KCNT2: variants seen among roughly 807,000 people sequenced by gnomAD.
The protein encoded by KCNT2 is potassium channel subfamily T member 2.
A neutral mutation model predicts 153.8 loss-of-function variants in KCNT2; 67 were observed. That is an observed-to-expected ratio of 0.44 (90% CI 0.36 to 0.53). The LOEUF (loss-of-function observed/expected upper bound fraction) is 0.53, where lower values mean the gene tolerates loss of function less well. Among genes scored for constraint, KCNT2 ranks in the 20% least tolerant of loss-of-function variants. KCNT2 has a pLI of 0.00. For missense variants in KCNT2, 975 were observed against 1,354.8 expected (o/e 0.72, Z 4.40); for synonymous variants, 500 against 458.8 (o/e 1.09, Z -1.15).
chr1:196,579,818 A>G (rs1323710349), intron 1 of KCNT2, among the ~76,000 whole-genome samples: 1 of 152,072 alleles, frequency 6.6e-6, no homozygotes, highest in Non-Finnish European at 1.5e-5. Flanking sequence ...AAAGACCTAC[A>G]CTAAAGTACA....
At chr1:196,604,105 A>C (rs545611687) in intron 1 of KCNT2, among the ~76,000 whole-genome samples, 18 of 152,362 alleles carry the variant, frequency 1.2e-4, no homozygotes, top group African/African-American at 3.1e-4. Flanking sequence ...GAATGCCTTG[A>C]GCTATCTCTA....
At chr1:196,562,958 A>G (rs1474989603) in intron 1 of KCNT2, among the ~76,000 whole-genome samples, 1 of 152,064 alleles carries the variant, frequency 6.6e-6, no homozygotes, top group African/African-American at 2.4e-5. Context: ...CCTTCTGTGT[A>G]GAAAATTAAC....
At chr1:196,339,530 G>C (rs928716266) in intron 16 of KCNT2, among the ~76,000 whole-genome samples, 7 of 151,328 alleles carry the variant, frequency 4.6e-5, no homozygotes, top group Non-Finnish European at 1.0e-4. Flanking sequence ...CAGAGAGAGA[G>C]AGAGAGAGAG....
At chr1:196,395,840 T>C (rs918385989) in intron 13 of KCNT2, among the ~76,000 whole-genome samples, 2 of 151,696 alleles carry the variant, frequency 1.3e-5, no homozygotes, top group Non-Finnish European at 3.0e-5. Context: ...GAAGGAGCTA[T>C]TTAAATAAAT....
chr1:196,271,995 A>T (rs1038077344), intron 25 of KCNT2, among the ~76,000 whole-genome samples: 17 of 151,970 alleles, frequency 1.1e-4, no homozygotes, highest in Middle Eastern at 3.4e-3. Context: ...ACACTGAACA[A>T]CTCACTCCAC....
In KCNT2 at chr1:196,340,555, C is replaced by T; in HGVS notation, c.1569G>A (p.Leu523=). 6.4e-7 allele frequency: 1 copy of T among 1,562,572 alleles called. No individual in the cohort carries two copies. Among genetic ancestry groups the T allele is most frequent in the South Asian group, 1.2e-5 (1 of 81,496 alleles). ...FHAHKKFGVC[L]IGVRREDNKN... ...TATTATCCTCCCTCCTAACACCAAT[C>T]AAGCAGACGCCAAACCTTAATTTAA... Residue 523 remains leucine (L), a synonymous_variant, in exon 16 of 28, where the codon TTG becomes TTA. Transcript: ENST00000294725.
At chr1:196,228,524 T>G (rs560307134) in intron 27 of KCNT2, among the ~76,000 whole-genome samples, 189 bp from the exon 28 acceptor site, 10 of 152,270 alleles carry the variant, frequency 6.6e-5, no homozygotes, top group African/African-American at 2.2e-4. Flanking sequence ...ATATTATCAT[T>G]TTCATACCTG....
In KCNT2 at chr1:196,448,557, TATA is replaced by T. The variant is rs564268974; in HGVS notation, c.638+16733_638+16735del. 2.0e-5 allele frequency among the ~76,000 whole-genome samples: 3 copies of T among 151,702 alleles called. No individual in the cohort carries two copies. In the East Asian group the frequency reaches 5.8e-4, roughly 30 times the overall value. On this transcript the variant is annotated intron_variant, in intron 8 of 27. Coordinates refer to ENST00000294725, the MANE Select transcript of KCNT2 (RefSeq NM_198503.5). ...TCTACTGTGTGGCCTGGAAGCTTTT[TATA>T]ATGTTTATACAATGTTTATACTTAA...
intron 14 of KCNT2, among the ~76,000 whole-genome samples, chr1:196,348,962 G>A (rs1465451965): frequency 6.6e-6 from 1 of 151,984 alleles, no homozygotes; most frequent in Non-Finnish European, 1.5e-5. Context: ...GGAAAGAAGA[G>A]AAAGAAAGAA....
At chr1:196,285,915 G>C (rs756203475) in intron 22 of KCNT2, among the ~76,000 whole-genome samples, 157 bp from the exon 23 acceptor site, 3 of 152,016 alleles carry the variant, frequency 2.0e-5, no homozygotes, top group Non-Finnish European at 4.4e-5. Context: ...TTTTTAAACT[G>C]CCCTTTCGTT....
At chr1:196,475,947 A>T (rs912588677) in intron 5 of KCNT2, among the ~76,000 whole-genome samples, 3 of 152,184 alleles carry the variant, frequency 2.0e-5, no homozygotes, top group Non-Finnish European at 4.4e-5. Context: ...ATTATATATC[A>T]TCTAGCTCTG....
Position 196,343,926 on chromosome 1 carries a change from C to T in KCNT2, c.1404-1698G>A, listed in dbSNP as rs757764979. ...TCCCGAGTAGCTGGGATTACAGGCA[C>T]CTGCCACCATGCCCAGCTAATTTTT... On this transcript the variant is annotated intron_variant, in intron 14 of 27. Transcript: ENST00000294725. 1.6e-4 allele frequency among the ~76,000 whole-genome samples: 25 copies of T among 152,038 alleles called. 1 individual carries two copies. The highest frequency in any genetic ancestry group is 2.4e-4 in the Non-Finnish European group (16 of 67,996).
At position 196,236,155 on chromosome 1, in the gene KCNT2, T is replaced by C. The variant is rs75327918; in HGVS notation, c.3212-85A>G. 1.1e-3 allele frequency: 847 copies of C among 761,050 alleles called. 7 individuals carry two copies. The African/African-American group carries it at 0.012, about 11-fold the overall frequency. The allele number at this position is 761,050 out of a possible 1,614,324, so 47.1% of individuals were successfully genotyped here. On this transcript the variant is annotated intron_variant, in intron 26 of 27. Transcript: ENST00000294725. ...TAGTGAACAGCTTATATTCAAACCATATAACTGTCAACAAGAACTTGGTAT... is the reference window on the plus strand; with the variant it reads ...TAGTGAACAGCTTATATTCAAACCACATAACTGTCAACAAGAACTTGGTAT...
chr1:196,547,204 A>G (rs1226047864), intron 1 of KCNT2, among the ~76,000 whole-genome samples: 2 of 151,976 alleles, frequency 1.3e-5, no homozygotes, highest in African/African-American at 4.8e-5. Context: ...GTCAAAATTA[A>G]AAACTCAGGA....
intron 1 of KCNT2, among the ~76,000 whole-genome samples, chr1:196,539,178 G>C (rs1656004244): frequency 6.6e-6 from 1 of 152,010 alleles, no homozygotes; most frequent in African/African-American, 2.4e-5. Context: ...AAGTAAATGA[G>C]TACTATTTTA....
intron 1 of KCNT2, among the ~76,000 whole-genome samples, chr1:196,602,590 A>T (rs1664844686): frequency 6.6e-6 from 1 of 152,188 alleles, no homozygotes; most frequent in African/African-American, 2.4e-5. Flanking sequence ...ATAAAGTATC[A>T]GTAATTTGAA....
At chr1:196,284,248 AAT>A (rs1553271463) in intron 23 of KCNT2, among the ~76,000 whole-genome samples, 33 of 10,044 alleles carry the variant, frequency 3.3e-3, no homozygotes, top group African/African-American at 4.1e-3. Flanking sequence ...AAAAAAAAAA[AAT>A]ATATATATAT....
intron 25 of KCNT2, among the ~76,000 whole-genome samples, chr1:196,277,546 G>A (rs1052004987): frequency 6.6e-6 from 1 of 152,116 alleles, no homozygotes; most frequent in African/African-American, 2.4e-5. Flanking sequence ...GTGTTTATAT[G>A]GAGAGACTGA....
intron 1 of KCNT2, among the ~76,000 whole-genome samples, chr1:196,576,745 A>T (rs17700121): frequency 0.1 from 15,323 of 152,144 alleles, 1,066 homozygotes; most frequent in Non-Finnish European, 0.15. Flanking sequence ...TATGCAGTTA[A>T]TTAAAGCTTT....
Sources: gnomAD v4.1 joint callset for allele counts (sites outside exome capture counted in the v4.1 genomes callset) on GRCh38, gnomAD v4.1.1 for gene constraint, MANE v1.5 for transcripts, NCBI Gene and HGNC (gene_info 2026-07-23, HGNC 2026-07-21) for gene names.